The following DCT variants were observed in gnomAD, a reference collection of about 807,000 sequenced individuals.
DCT encodes L-dopachrome tautomerase.
In DCT, 47 loss-of-function variants were observed where a neutral mutation model predicts 53.0. The observed-to-expected ratio is 0.89, with a 90% confidence interval of 0.70 to 1.13. The LOEUF is 1.13. DCT is among the 50% of genes most tolerant of loss of function. DCT has a pLI of 0.00. For synonymous variants in DCT, 244 were observed against 237.0 expected (o/e 1.03, Z -0.27); for missense variants, 669 against 637.4 (o/e 1.05, Z -0.53).
chr13:94,523,872 A>T, the DCT span, among the ~76,000 whole-genome samples: 4 of 149,242 alleles, frequency 2.7e-5, no homozygotes, highest in Non-Finnish European at 6.0e-5. Flanking sequence ...TGAGGACTCC[A>T]TTTTTTTTTT....
At chr13:94,513,629 C>T in the DCT span, among the ~76,000 whole-genome samples, 1 of 152,042 alleles carries the variant, frequency 6.6e-6, no homozygotes, top group African/African-American at 2.4e-5. Flanking sequence ...CACACTAGGG[C>T]TAGGCAGGCT....
chr13:94,522,041 G>T, the DCT span, among the ~76,000 whole-genome samples: 126 of 152,288 alleles, frequency 8.3e-4, 1 homozygote, highest in South Asian at 6.0e-3. Flanking sequence ...TGTCTTCAAG[G>T]TTCACCCATG....
At chr13:94,521,839 C>T in the DCT span, among the ~76,000 whole-genome samples, 153 of 152,242 alleles carry the variant, frequency 1.0e-3, 2 homozygotes, top group East Asian at 0.025. Context: ...GTGAAACCAT[C>T]GCCACAATTT....
the DCT span, among the ~76,000 whole-genome samples, chr13:94,544,968 T>C: frequency 6.6e-6 from 1 of 152,134 alleles, no homozygotes; most frequent in African/African-American, 2.4e-5. Flanking sequence ...AAATGTTTAA[T>C]GATGATGGTG....
At chr13:94,501,498 T>C in the DCT span, among the ~76,000 whole-genome samples, 2 of 152,126 alleles carry the variant, frequency 1.3e-5, no homozygotes, top group Non-Finnish European at 2.9e-5. Flanking sequence ...CCTTTTTGAC[T>C]TATTCCTTGA....
the DCT span, among the ~76,000 whole-genome samples, chr13:94,535,191 T>TA: frequency 6.6e-6 from 1 of 152,240 alleles, no homozygotes; most frequent in Non-Finnish European, 1.5e-5. Context: ...ACATATACTA[T>TA]ATACCTGTTT....
the DCT span, among the ~76,000 whole-genome samples, chr13:94,525,627 G>A: frequency 1.3e-5 from 2 of 152,148 alleles, no homozygotes; most frequent in South Asian, 4.1e-4. Context: ...TCAGTGGATT[G>A]TGTCATATTA....
At position 94,470,718 on chromosome 13, in the gene DCT, G is replaced by A. The variant is rs565769516; in HGVS notation, c.296-1673C>T. 8.5e-5 allele frequency among the ~76,000 whole-genome samples: 13 copies of A among 152,114 alleles called. No homozygotes were observed. In the East Asian group the frequency reaches 9.7e-4, roughly 11 times the overall value. ...TCTCCCTAAATTCCTCTTTACCTGC[G>A]TGATCCATTTCTCCTTTAAGCTTCA... On this transcript the variant is annotated intron_variant, in intron 1 of 7. Transcript: ENST00000377028.
chr13:94,483,122 A>G (rs1885516906), upstream of DCT, among the ~76,000 whole-genome samples: 1 of 151,254 alleles, frequency 6.6e-6, no homozygotes, highest in Admixed American at 6.6e-5. Flanking sequence ...AAATATACAA[A>G]AATTAGCTGG....
the DCT span, among the ~76,000 whole-genome samples, chr13:94,490,520 A>AAAAAC: frequency 6.9e-6 from 1 of 144,780 alleles, no homozygotes; most frequent in African/African-American, 2.5e-5. Context: ...AAAAAAAAAA[A>AAAAAC]AAAAAAAAAA....
the DCT span, among the ~76,000 whole-genome samples, chr13:94,505,813 C>A: frequency 2.0e-5 from 3 of 152,118 alleles, no homozygotes; most frequent in East Asian, 5.8e-4. Context: ...ACCCACGTGG[C>A]AAGAAATTGA....
intron 1 of DCT, among the ~76,000 whole-genome samples, chr13:94,470,872 C>T (rs955285492): frequency 6.6e-6 from 1 of 152,204 alleles, no homozygotes; most frequent in African/African-American, 2.4e-5. Flanking sequence ...ACACTTGTTT[C>T]AGCTCCAGGC....
intron 2 of DCT, chr13:94,468,447 C>T (rs552000744): frequency 3.6e-6 from 1 of 277,564 alleles, no homozygotes; most frequent in African/African-American, 2.1e-5. Flanking sequence ...AGGAATTCGC[C>T]TCCACCTCAC....
the DCT span, among the ~76,000 whole-genome samples, chr13:94,535,551 T>C: frequency 3.1e-3 from 466 of 152,286 alleles, 2 homozygotes; most frequent in African/African-American, 0.011. Flanking sequence ...CAGAGCACAA[T>C]ACTCAGCACC....
intron 6 of DCT, among the ~76,000 whole-genome samples, chr13:94,446,589 T>C (rs1882750135): frequency 6.6e-6 from 1 of 152,234 alleles, no homozygotes; most frequent in African/African-American, 2.4e-5. Flanking sequence ...CAGGCTGCTG[T>C]AACAAAGTAC....
At chr13:94,513,816 G>C in the DCT span, among the ~76,000 whole-genome samples, 1 of 151,894 alleles carries the variant, frequency 6.6e-6, no homozygotes, top group East Asian at 1.9e-4. Context: ...GTGAAATCTC[G>C]TCTCTGCTAA....
At chr13:94,445,864 T>C in intron 6 of DCT, 1 of 742,376 alleles carries the variant, frequency 1.3e-6, no homozygotes, top group African/African-American at 1.8e-5. Flanking sequence ...GGCCCATTCC[T>C]GGAGGCAGGG....
chr13:94,529,899 C>A, the DCT span, among the ~76,000 whole-genome samples: 16 of 151,982 alleles, frequency 1.1e-4, no homozygotes, highest in Admixed American at 2.6e-4. Flanking sequence ...ACTAGCAAGA[C>A]TAATAAAGAA....
the DCT span, among the ~76,000 whole-genome samples, chr13:94,492,063 G>A: frequency 1.3e-5 from 2 of 152,118 alleles, no homozygotes; most frequent in Admixed American, 1.3e-4. Flanking sequence ...AGTAAAACAT[G>A]AGATCTCTCT....
Sources: gnomAD v4.1 joint callset for allele counts (sites outside exome capture counted in the v4.1 genomes callset) on GRCh38, gnomAD v4.1.1 for gene constraint, MANE v1.5 for transcripts, NCBI Gene and HGNC (gene_info 2026-07-23, HGNC 2026-07-21) for gene names.